C16orf46: variants seen among roughly 807,000 people sequenced by gnomAD.
C16orf46 encodes uncharacterized protein C16orf46.
C16orf46 carries 7 observed loss-of-function variants against 5.5 expected under a neutral mutation model. That is an observed-to-expected ratio of 1.28 (90% CI 0.73 to 2.40). C16orf46 has a LOEUF of 2.40. Ranked by LOEUF, C16orf46 falls within the 30% of genes most tolerant of loss-of-function variation. C16orf46 has a pLI of 0.00. For missense variants in C16orf46, 614 were observed against 476.0 expected (o/e 1.29, Z -2.70); for synonymous variants, 200 against 184.1 (o/e 1.09, Z -0.70).
chr16:81,069,046 T>A (rs543482730), intron 1 of C16orf46, among the ~76,000 whole-genome samples: 20 of 152,318 alleles, frequency 1.3e-4, no homozygotes, highest in African/African-American at 3.8e-4. Context: ...GTGGCTACTT[T>A]ATTTTAATGA....
chr16:81,068,778 T>C (rs1416942166), intron 1 of C16orf46, among the ~76,000 whole-genome samples: 2 of 152,106 alleles, frequency 1.3e-5, no homozygotes, highest in Non-Finnish European at 2.9e-5. Flanking sequence ...TCCAGCTCAC[T>C]GCAACCTCCG....
In C16orf46 at chr16:81,061,149, TACCGCA is replaced by T; in HGVS notation, c.*6_*11del. 1 of 1,581,242 alleles carries T rather than the reference TACCGCA, an allele frequency of 6.3e-7. No homozygotes were observed. Among genetic ancestry groups the T allele is most frequent in the Non-Finnish European group, 8.6e-7 (1 of 1,163,348 alleles). Reference sequence around the variant, plus strand: ...AAACGGTGCTTATTCCCAGGGGTTCTACCGCAACCGCTCAGAGGATCCTGTGGGTAG... The same window carrying T: ...AAACGGTGCTTATTCCCAGGGGTTCTACCGCTCAGAGGATCCTGTGGGTAG... On this transcript the variant is annotated 3_prime_UTR_variant, in exon 4 of 4. Transcript: ENST00000299578.
chr16:81,054,649 T>C (rs948139713), intron 3 of C16orf46, among the ~76,000 whole-genome samples: 2 of 150,626 alleles, frequency 1.3e-5, no homozygotes, highest in Non-Finnish European at 3.0e-5. Flanking sequence ...CCACATGTGA[T>C]ATATCTTATT....
chr16:81,062,116 G>C lies in C16orf46; in HGVS notation c.233C>G (p.Ser78Cys). 6.3e-7 allele frequency: 1 copy of C among 1,596,744 alleles called. No homozygotes were observed. Among genetic ancestry groups the C allele is most frequent in the Non-Finnish European group, 8.5e-7 (1 of 1,176,306 alleles). ...EEAVQGWGRT[S>C]PAACIWPRKI... is the part of the protein sequence containing the mutation. ...CCTCGGCCAGATGCAGGCAGCTGGA[G>C]AAGTCCTTCCCCACCCTTGGACCTG... Residue 78 changes from serine to cysteine, a missense_variant, in exon 4 of 4, where the codon TCT becomes TGT. By Grantham distance (112) the Ser-to-Cys change is moderately radical (BLOSUM62 -1). Coordinates refer to ENST00000299578, the MANE Select transcript of C16orf46 (RefSeq NM_152337.3).
chr16:81,059,341 A>AAAC (rs1182388531), downstream of C16orf46, among the ~76,000 whole-genome samples: 1 of 151,510 alleles, frequency 6.6e-6, no homozygotes, highest in East Asian at 1.9e-4. Context: ...AAAAAAAAAA[A>AAAC]ACCCTAGGCA....
downstream of C16orf46, among the ~76,000 whole-genome samples, chr16:81,059,123 C>T (rs143769757): frequency 9.9e-4 from 151 of 151,904 alleles, 1 homozygote; most frequent in African/African-American, 3.4e-3. Flanking sequence ...GGCGTCATCT[C>T]GGCTCACTGC....
chr16:81,070,672 C>T (rs1971818091), intron 1 of C16orf46, among the ~76,000 whole-genome samples: 1 of 152,018 alleles, frequency 6.6e-6, no homozygotes, highest in East Asian at 1.9e-4. Context: ...TGGGGGTTTC[C>T]TGTTTTTTAT....
chr16:81,066,610 T>G (rs936863920), intron 1 of C16orf46, among the ~76,000 whole-genome samples: 22 of 152,136 alleles, frequency 1.4e-4, no homozygotes, highest in African/African-American at 5.1e-4. Flanking sequence ...AAGAAAAGAG[T>G]GGATATGTGA....
intron 1 of C16orf46, among the ~76,000 whole-genome samples, chr16:81,070,690 T>G (rs529958245): frequency 1.4e-3 from 209 of 152,252 alleles, no homozygotes; most frequent in Middle Eastern, 3.4e-3. Flanking sequence ...TATTTTCACT[T>G]ACTTATTTAT....
intron 3 of C16orf46, 90 bp downstream of exon 3, chr16:81,063,656 G>A: frequency 9.1e-7 from 1 of 1,094,028 alleles, no homozygotes; most frequent in Non-Finnish European, 1.3e-6. Context: ...ACATTTTTTG[G>A]TAATATTAAC....
chr16:81,064,260 A>G (rs1971581408), intron 2 of C16orf46, among the ~76,000 whole-genome samples: 1 of 151,642 alleles, frequency 6.6e-6, no homozygotes, highest in South Asian at 2.1e-4. Context: ...GCTACTCGGG[A>G]GGCTGAGGCA....
chr16:81,056,621 G>A (rs902064434), downstream of C16orf46, among the ~76,000 whole-genome samples: 12 of 149,492 alleles, frequency 8.0e-5, no homozygotes, highest in East Asian at 2.0e-4. Flanking sequence ...ACTTGAATCC[G>A]GGAGAGGGAG....
intron 3 of C16orf46, chr16:81,055,577 C>G (rs1443673422): frequency 6.6e-6 from 1 of 152,002 alleles, no homozygotes; most frequent in South Asian, 2.1e-4. Context: ...GCCTGTACAG[C>G]CAGCTACTAG....
chr16:81,069,343 TATG>T (rs2151755523), intron 1 of C16orf46, among the ~76,000 whole-genome samples: 1 of 152,352 alleles, frequency 6.6e-6, no homozygotes, highest in South Asian at 2.1e-4. Flanking sequence ...AGGTTCATTG[TATG>T]ATGTCTGGGA....
rs1193314449 is a variant in C16orf46, at chr16:81,061,103, G to C, written c.*58C>G. 6.6e-7 allele frequency: 1 copy of C among 1,519,850 alleles called. No individual in the cohort carries two copies. The highest frequency in any genetic ancestry group is 1.4e-5 in the African/African-American group (1 of 71,820). 94.1% of individuals were successfully genotyped at this position (1,519,850 alleles called of 1,614,324 possible). A position where few individuals can be genotyped will look rare whatever the true frequency, so the allele number is the denominator to read the frequency against. The stretch of plus-strand genomic sequence containing the variant: ...TGGGTGGGAAATGAGAGAGAAGAAA[G>C]AGAAAGGATGGCTGCATCTCAAACG... On this transcript the variant is annotated 3_prime_UTR_variant, in exon 4 of 4. Transcript: ENST00000299578.
Position 81,061,100 on chromosome 16 carries a change from A to T in C16orf46, c.*61T>A. ...GGGTGGGTGGGAAATGAGAGAGAAG[A>T]AAGAGAAAGGATGGCTGCATCTCAA... On this transcript the variant is annotated 3_prime_UTR_variant, in exon 4 of 4. Coordinates refer to ENST00000299578, the MANE Select transcript of C16orf46 (RefSeq NM_152337.3). 6.6e-7 allele frequency: 1 copy of T among 1,517,128 alleles called. No individual in the cohort carries two copies. Among genetic ancestry groups the T allele is most frequent in the South Asian group, 1.3e-5 (1 of 74,550 alleles). The allele number at this position is 1,517,128 out of a possible 1,614,324, so 94.0% of individuals were successfully genotyped here. A position where few individuals can be genotyped will look rare whatever the true frequency, so the allele number is the denominator to read the frequency against.
intron 3 of C16orf46, among the ~76,000 whole-genome samples, chr16:81,063,269 C>T (rs1437397736): frequency 7.1e-6 from 1 of 141,642 alleles, no homozygotes; most frequent in Non-Finnish European, 1.5e-5. Context: ...AAAAAAAAAA[C>T]CCACAGAGTT....
intron 3 of C16orf46, 108 bp downstream of exon 3, chr16:81,063,638 T>C (rs907001658): frequency 9.8e-6 from 9 of 913,794 alleles, no homozygotes; most frequent in East Asian, 4.9e-5. Flanking sequence ...CTACATGTCA[T>C]TGATTCCACA....
rs1971459006 is a variant in C16orf46 at position 81,061,290 on chromosome 16, A to G, written c.1059T>C (p.His353=). Residue 353 remains histidine (H), a synonymous_variant, in exon 4 of 4, where the codon CAT becomes CAC. Transcript: ENST00000299578. ...EPRSPVITRK[H]VLPKAKQENR... ...TTTCCTGCTTGGCCTTTGGGAGAAC[A>G]TGCTTTCGGGTGATCACAGGAGATC... 1 of 1,614,078 alleles carries G rather than the reference A, an allele frequency of 6.2e-7. No homozygotes were observed.
Sources: allele counts gnomAD v4.1 joint callset (sites outside exome capture counted in the v4.1 genomes callset), GRCh38; gene constraint gnomAD v4.1.1; transcripts MANE v1.5; gene names NCBI Gene and HGNC (gene_info 2026-07-23, HGNC 2026-07-21).